The following TBCE variants were observed in gnomAD, a reference collection of about 807,000 sequenced individuals.
The protein encoded by TBCE is tubulin-specific chaperone E.
Under a neutral mutation model 77.0 loss-of-function variants are expected in TBCE, and 53 were observed. The observed-to-expected ratio is 0.69, with a 90% CI of 0.55 to 0.87. The LOEUF is 0.87. Ranked by LOEUF, TBCE falls within the 40% of genes least tolerant of loss-of-function variation. The pLI, the probability that TBCE is intolerant of heterozygous loss-of-function variation, is 0.00. For synonymous variants in TBCE, 235 were observed against 241.3 expected, an observed-to-expected ratio of 0.97 and a Z score of 0.24; for missense variants, 624 against 622.4, an observed-to-expected ratio of 1.00 and a Z score of -0.03.
intron 2 of TBCE, among the ~76,000 whole-genome samples, chr1:235,388,271 T>A (rs141788888): frequency 6.1e-4 from 93 of 151,616 alleles, no homozygotes; most frequent in African/African-American, 2.0e-3. Flanking sequence ...TGCCCTTTCT[T>A]CTCTGTTACT....
chr1:235,391,227 C>A (rs942403397), intron 2 of TBCE, among the ~76,000 whole-genome samples: 1 of 151,868 alleles, frequency 6.6e-6, no homozygotes, highest in South Asian at 2.1e-4. Context: ...TGGTGGCTCA[C>A]GCCTGTAATC....
At chr1:235,375,496 T>G (rs1572312778) in intron 1 of TBCE, among the ~76,000 whole-genome samples, 1 of 149,606 alleles carries the variant, frequency 6.7e-6, no homozygotes, top group African/African-American at 2.5e-5. Context: ...GGGCTGGGGG[T>G]GGGGGAGTGA....
chr1:235,428,185 G>T (rs1378371471), intron 6 of TBCE, among the ~76,000 whole-genome samples: 2 of 152,028 alleles, frequency 1.3e-5, no homozygotes, highest in African/African-American at 4.8e-5. Flanking sequence ...TTAGCCGGGC[G>T]TGGTGGTGGG....
intron 13 of TBCE, 165 bp downstream of exon 13, chr1:235,439,087 G>A: frequency 1.1e-6 from 1 of 911,502 alleles, no homozygotes; most frequent in Non-Finnish European, 1.7e-6. Context: ...TGGGGCGAGG[G>A]CGGCAGGGCA....
In TBCE at chr1:235,435,767, G is replaced by T. The variant is rs1205152249; in HGVS notation, c.760G>T (p.Val254Phe). Reference protein sequence around the residue: ...SERPTDVLQTVKLLDLSSNQL... With the variant: ...SERPTDVLQTFKLLDLSSNQL... ...CAGGCCAACAGATGTTCTCCAGACA[G>T]TCAAGTTATTAGATCTTTCCTCTAA... Residue 254 changes from valine (V) to phenylalanine (F), a missense_variant, in exon 9 of 17, where the codon GTC (valine) becomes TTC (phenylalanine). Physicochemically the swap from Val to Phe is conservative, Grantham distance 50 (BLOSUM62 -1). Coordinates refer to ENST00000642610, the MANE Select transcript of TBCE (RefSeq NM_003193.5). 1.9e-6 allele frequency: 3 copies of T among 1,614,014 alleles called. No individual in the cohort carries two copies. The highest frequency in any genetic ancestry group is 2.5e-6 in the Non-Finnish European group (3 of 1,180,012).
chr1:235,424,654 T>C (rs1680601433), intron 5 of TBCE, among the ~76,000 whole-genome samples: 1 of 151,970 alleles, frequency 6.6e-6, no homozygotes, highest in African/African-American at 2.4e-5. Context: ...TACAGACATG[T>C]GCCACCATGC....
chr1:235,396,310 T>G (rs1678715814), intron 2 of TBCE, among the ~76,000 whole-genome samples: 1 of 151,572 alleles, frequency 6.6e-6, no homozygotes, highest in African/African-American at 2.4e-5. Context: ...TGCCCGCCTC[T>G]GCCTCCCAAA....
chr1:235,437,362 G>A lies in TBCE; in HGVS notation c.1004G>A (p.Arg335Gln), dbSNP rs778447143. Residue 335 changes from arginine (R) to glutamine (Q), a missense_variant, in exon 12 of 17, where the codon CGG becomes CAG. Coordinates refer to ENST00000642610, the MANE Select transcript of TBCE (RefSeq NM_003193.5). ...GAGCTAGAGAAGTTACCAAGTCTAC[G>A]GGCTTTGTCCTGCCTAAGAAACCCC... ...FNELEKLPSL[R>Q]ALSCLRNPLT... 3.1e-6 allele frequency: 5 copies of A among 1,614,012 alleles called. No individual in the cohort carries two copies. The highest frequency in any genetic ancestry group is 4.2e-6 in the Non-Finnish European group (5 of 1,179,998).
At chr1:235,424,384 G>A (rs1174022868) in intron 5 of TBCE, among the ~76,000 whole-genome samples, 1 of 123,840 alleles carries the variant, frequency 8.1e-6, no homozygotes, top group Admixed American at 7.9e-5. Flanking sequence ...GAGTGCAGTG[G>A]CGCGATCTTG....
At chr1:235,370,550 ATTT>A (rs34144462) in intron 1 of TBCE, among the ~76,000 whole-genome samples, 1 of 129,674 alleles carries the variant, frequency 7.7e-6, no homozygotes, top group African/African-American at 2.7e-5. Context: ...TGCACCCGGC[ATTT>A]TTTTTTTTTT....
chr1:235,393,831 G>T (rs1019464228), intron 2 of TBCE, among the ~76,000 whole-genome samples: 1 of 152,108 alleles, frequency 6.6e-6, no homozygotes, highest in Non-Finnish European at 1.5e-5. Flanking sequence ...ATGTTTTCAT[G>T]TTCTGGGAGT....
chr1:235,448,294 T>C, intron 15 of TBCE, 55 bp from the exon 16 acceptor site: 1 of 1,462,380 alleles, frequency 6.8e-7, no homozygotes, highest in Non-Finnish European at 9.6e-7. Context: ...ATGAGCTAGT[T>C]TTACAGGTAA....
At chr1:235,418,025 G>A (rs372416631) in intron 4 of TBCE, among the ~76,000 whole-genome samples, 33 of 152,104 alleles carry the variant, frequency 2.2e-4, no homozygotes, top group South Asian at 1.5e-3. Context: ...CAGGTGATCC[G>A]CCCACCTTGG....
At chr1:235,367,953 A>T (rs1676644449) in intron 1 of TBCE, among the ~76,000 whole-genome samples, 1 of 152,096 alleles carries the variant, frequency 6.6e-6, no homozygotes, top group African/African-American at 2.4e-5. Flanking sequence ...GCTGGACTGC[A>T]GTGGCGCGGA....
rs762758872 is a variant in TBCE at position 235,374,255 on chromosome 1, C to T, written c.-31-5764C>T. Among the ~76,000 whole-genome samples the T allele has an allele frequency of 6.2e-5, 9 of 146,132 alleles. 1 individual carries two copies. The highest frequency in any genetic ancestry group is 1.1e-4 in the Non-Finnish European group (7 of 66,652). Reference sequence around the variant, plus strand: ...ACAGGCGTGAGCCACTTTGCCTAGCCTACACTGTTAAATGAATGCTTTTCA... The same window carrying T: ...ACAGGCGTGAGCCACTTTGCCTAGCTTACACTGTTAAATGAATGCTTTTCA... On this transcript the variant is annotated intron_variant, in intron 1 of 16. Coordinates refer to ENST00000642610, the MANE Select transcript of TBCE (RefSeq NM_003193.5).
At chr1:235,398,234 C>T (rs1312280795) in intron 2 of TBCE, among the ~76,000 whole-genome samples, 2 of 151,288 alleles carry the variant, frequency 1.3e-5, no homozygotes, top group African/African-American at 2.4e-5. Flanking sequence ...CAACCTACAC[C>T]TCCTGGGTTC....
intron 2 of TBCE, among the ~76,000 whole-genome samples, chr1:235,389,478 C>T (rs1476970228): frequency 6.6e-6 from 1 of 152,124 alleles, no homozygotes; most frequent in Non-Finnish European, 1.5e-5. Context: ...CAGGCACCTG[C>T]CACCACACAC....
Position 235,449,914 on chromosome 1 carries a change from C to A in TBCE, c.*1152C>A. ...AGGTAATGGTGAATTACTAATTAGCCACAATGCATCAGGATTTAGAAATAT... is the reference window on the plus strand; with the variant it reads ...AGGTAATGGTGAATTACTAATTAGCAACAATGCATCAGGATTTAGAAATAT... On this transcript the variant is annotated 3_prime_UTR_variant, in exon 17 of 17. Transcript: ENST00000642610. 1 of 255,372 alleles carries A rather than the reference C, an allele frequency of 3.9e-6. No homozygotes were observed. The highest frequency in any genetic ancestry group is 7.6e-6 in the Non-Finnish European group (1 of 130,868). 15.8% of individuals were successfully genotyped at this position (255,372 alleles called of 1,614,324 possible). A position where few individuals can be genotyped will look rare whatever the true frequency, so the allele number is the denominator to read the frequency against.
In TBCE at chr1:235,450,463, C is replaced by T. The variant is rs1002057265; in HGVS notation, c.*1701C>T. The T allele has an allele frequency of 1.1e-5, 14 of 1,242,910 alleles. No homozygotes were observed. Among genetic ancestry groups the T allele is most frequent in the Non-Finnish European group, 1.5e-5 (13 of 893,648 alleles). The allele number at this position is 1,242,910 out of a possible 1,614,324, so 77.0% of individuals were successfully genotyped here. ...GCTGAAATTATTTCAAGGATAACTCCGTGTGTGGAACAACTGGTGAGGTTT... is the reference window on the plus strand; with the variant it reads ...GCTGAAATTATTTCAAGGATAACTCTGTGTGTGGAACAACTGGTGAGGTTT... On this transcript the variant is annotated 3_prime_UTR_variant, in exon 17 of 17. Coordinates refer to ENST00000642610, the MANE Select transcript of TBCE (RefSeq NM_003193.5).
Sources: gnomAD v4.1 joint callset for allele counts (sites outside exome capture counted in the v4.1 genomes callset) on GRCh38, gnomAD v4.1.1 for gene constraint, MANE v1.5 for transcripts, NCBI Gene and HGNC (gene_info 2026-07-23, HGNC 2026-07-21) for gene names.